Variants in TMTC2 observed in about 807,000 individuals in gnomAD.
TMTC2 encodes the protein protein O-mannosyl-transferase TMTC2.
A neutral mutation model predicts 82.4 loss-of-function variants in TMTC2; 43 were observed. That is an observed-to-expected ratio of 0.52 (90% CI 0.41 to 0.67). The LOEUF is 0.67. TMTC2 is among the 30% of genes least tolerant of loss of function. The pLI, the probability that TMTC2 is intolerant of heterozygous loss-of-function variation, is 0.00. For missense variants in TMTC2, 919 were observed against 1,012.4 expected (o/e 0.91, Z 1.25); for synonymous variants, 408 against 381.9 (o/e 1.07, Z -0.80).
chr12:82,854,090 T>G, intron 1 of TMTC2, among the ~76,000 whole-genome samples: 1 of 152,176 alleles, frequency 6.6e-6, no homozygotes, highest in East Asian at 1.9e-4. Context: ...AAAAGCCAAT[T>G]TATATGGAAA....
At position 82,900,835 on chromosome 12, in the gene TMTC2, T is replaced by C. The variant is rs1170271063; in HGVS notation, c.1483+4189T>C. ...TATAGGAATATATATACCTGGAATA[T>C]ATATATATAGGAATATATATACCTG... is the stretch of plus-strand genomic sequence containing the variant. On this transcript the variant is annotated intron_variant, in intron 3 of 11. Transcript: ENST00000321196. Among the ~76,000 whole-genome samples, 5 of 132,868 alleles carry C rather than the reference T, an allele frequency of 3.8e-5. No homozygotes were observed. In the Admixed American group the frequency reaches 4.1e-4, roughly 11 times the overall value. The allele number at this position is 132,868 out of a possible 152,430, so 87.2% of individuals were successfully genotyped here.
At chr12:82,769,289 A>G (rs1877155321) in intron 1 of TMTC2, among the ~76,000 whole-genome samples, 2 of 151,910 alleles carry the variant, frequency 1.3e-5, no homozygotes, top group South Asian at 4.2e-4. Flanking sequence ...CCTGGCCAAC[A>G]TAGTGAAACC....
chr12:82,801,239 A>G (rs1878980404), intron 1 of TMTC2, among the ~76,000 whole-genome samples: 1 of 151,956 alleles, frequency 6.6e-6, no homozygotes, highest in South Asian at 2.1e-4. Context: ...TACAGTTCTT[A>G]AAGGCGGTGT....
At chr12:82,738,659 T>A (rs1032405292) in intron 1 of TMTC2, among the ~76,000 whole-genome samples, 2 of 152,208 alleles carry the variant, frequency 1.3e-5, no homozygotes, top group African/African-American at 2.4e-5. Context: ...ACGTGATAGT[T>A]AAAAATGCTG....
intron 11 of TMTC2, among the ~76,000 whole-genome samples, chr12:83,108,904 G>T (rs1884506615): frequency 6.6e-6 from 1 of 152,176 alleles, no homozygotes; most frequent in East Asian, 1.9e-4. Context: ...TAATGAAATT[G>T]TATTATTTTC....
chr12:82,773,463 T>C (rs755468519), intron 1 of TMTC2, among the ~76,000 whole-genome samples: 77 of 86,352 alleles, frequency 8.9e-4, no homozygotes, highest in African/African-American at 3.6e-3. Flanking sequence ...GTGATATTTC[T>C]TTTTTTTTTT....
At chr12:82,931,749 G>A (rs1170809186) in intron 4 of TMTC2, among the ~76,000 whole-genome samples, 1 of 152,120 alleles carries the variant, frequency 6.6e-6, no homozygotes, top group African/African-American at 2.4e-5. Context: ...GATGATTCCT[G>A]TGTCTTTATA....
At chr12:83,071,272 A>G (rs1180987729) in intron 11 of TMTC2, among the ~76,000 whole-genome samples, 1 of 150,990 alleles carries the variant, frequency 6.6e-6, no homozygotes, top group Non-Finnish European at 1.5e-5. Context: ...CTCCTGCCTC[A>G]GCCTCCTGAG....
intron 1 of TMTC2, among the ~76,000 whole-genome samples, chr12:82,832,978 G>A (rs1014156938): frequency 3.3e-5 from 5 of 152,162 alleles, no homozygotes; most frequent in Non-Finnish European, 7.4e-5. Context: ...AAGAGATTTA[G>A]TACTACCCCA....
At chr12:82,831,682 G>C (rs1274096984) in intron 1 of TMTC2, among the ~76,000 whole-genome samples, 1 of 152,044 alleles carries the variant, frequency 6.6e-6, no homozygotes, top group Admixed American at 6.6e-5. Flanking sequence ...GGTGGTGGTG[G>C]TGGTGGTGTT....
intron 1 of TMTC2, among the ~76,000 whole-genome samples, chr12:82,743,175 G>C (rs1456377930): frequency 1.3e-5 from 2 of 152,154 alleles, no homozygotes; most frequent in African/African-American, 2.4e-5. Context: ...GGGCGCAGTG[G>C]CTCAGGCCCA....
rs539426316 is a variant in TMTC2, at chr12:82,866,196, A to C, written c.654+8616A>C. Among the ~76,000 whole-genome samples the C allele has an allele frequency of 3.3e-5, 5 of 151,586 alleles. No individual in the cohort carries two copies. The South Asian group carries it at 8.4e-4, about 25-fold the overall frequency. ...CTGAAGGAGATAGAGACACAAAAAA[A>C]ACCCTTGAAAAAATCAATGAATCCA... On this transcript the variant is annotated intron_variant, in intron 2 of 11. Transcript: ENST00000321196.
rs146289005 is a variant in TMTC2 at position 83,040,881 on chromosome 12, T to A, written c.2152+10002T>A. 2.0e-3 allele frequency among the ~76,000 whole-genome samples: 299 copies of A among 152,110 alleles called. 1 individual carries two copies. The highest frequency in any genetic ancestry group is 6.7e-3 in the African/African-American group (277 of 41,504). On this transcript the variant is annotated intron_variant, in intron 9 of 11. Transcript: ENST00000321196. Reference sequence around the variant, plus strand: ...TTTGTAATTTAGTAGAGACAGGGGATCACCGTGTTAGCCAGGATGGTCTCG... The same window carrying A: ...TTTGTAATTTAGTAGAGACAGGGGAACACCGTGTTAGCCAGGATGGTCTCG...
At chr12:82,880,539 T>C (rs897557266) in intron 2 of TMTC2, among the ~76,000 whole-genome samples, 1 of 152,168 alleles carries the variant, frequency 6.6e-6, no homozygotes, top group African/African-American at 2.4e-5. Context: ...AGCCAGAGAT[T>C]CCAGTCAGTT....
intron 1 of TMTC2, among the ~76,000 whole-genome samples, chr12:82,719,412 A>C (rs2136924401): frequency 6.6e-6 from 1 of 152,228 alleles, no homozygotes; most frequent in African/African-American, 2.4e-5. Context: ...TATTTTAAAT[A>C]ACCCTGAATC....
intron 8 of TMTC2, among the ~76,000 whole-genome samples, chr12:83,008,512 C>A (rs908229270): frequency 6.6e-6 from 1 of 152,176 alleles, no homozygotes; most frequent in Non-Finnish European, 1.5e-5. Flanking sequence ...GTTCTAAGAA[C>A]ATGCATCTGT....
intron 7 of TMTC2, among the ~76,000 whole-genome samples, chr12:82,985,344 TCCTGGCCTTA>T (rs1339047472): frequency 2.0e-5 from 3 of 152,138 alleles, no homozygotes; most frequent in African/African-American, 7.2e-5. Context: ...GAGCCCCCTA[TCCTGGCCTTA>T]ATTTACTTGT....
intron 11 of TMTC2, among the ~76,000 whole-genome samples, chr12:83,084,663 T>C (rs1883590043): frequency 6.6e-6 from 1 of 152,210 alleles, no homozygotes; most frequent in Non-Finnish European, 1.5e-5. Flanking sequence ...AAACATGTTT[T>C]CCTGTGCTAT....
intron 11 of TMTC2, among the ~76,000 whole-genome samples, chr12:83,130,721 C>T (rs747070936): frequency 1.3e-5 from 2 of 152,030 alleles, no homozygotes; most frequent in Non-Finnish European, 2.9e-5. Context: ...GAAAATTGAT[C>T]GTGATATTTG....
Sources: gnomAD v4.1 joint callset for allele counts (sites outside exome capture counted in the v4.1 genomes callset) on GRCh38, gnomAD v4.1.1 for gene constraint, MANE v1.5 for transcripts, NCBI Gene and HGNC (gene_info 2026-07-23, HGNC 2026-07-21) for gene names.